Variants in ATP13A3 observed in about 807,000 individuals in gnomAD.
ATP13A3 encodes ATPase 13A3, also known as polyamine-transporting ATPase 13A3.
ATP13A3 carries 59 observed loss-of-function variants against 158.1 expected under a neutral mutation model. The ratio of observed to expected loss-of-function variants is 0.37; its 90% CI spans 0.30 to 0.46. The LOEUF is 0.46. Among genes scored for constraint, ATP13A3 ranks in the 20% least tolerant of loss-of-function variants. ATP13A3 has a pLI of 1.00. For missense variants in ATP13A3, 1,166 were observed against 1,525.2 expected, an observed-to-expected ratio of 0.76 and a Z score of 3.92; for synonymous variants, 491 against 504.3, an observed-to-expected ratio of 0.97 and a Z score of 0.35.
At chr3:194,430,575 C>A (rs1410912378) in intron 24 of ATP13A3, among the ~76,000 whole-genome samples, 1 of 152,190 alleles carries the variant, frequency 6.6e-6, no homozygotes, top group Non-Finnish European at 1.5e-5. Context: ...ATTTCCTCAT[C>A]TTTAGAGCAA....
rs778890744 is a variant in ATP13A3, at chr3:194,419,929, T to TA, written c.3351dup (p.Ile1118TyrfsTer13). 3.3e-6 allele frequency: 5 copies of TA among 1,535,778 alleles called. No homozygotes were observed. The highest frequency in any genetic ancestry group is 4.3e-6 in the Non-Finnish European group (5 of 1,150,942). On this transcript the variant is annotated frameshift_variant, in exon 31 of 34. Transcript: ENST00000645319. LOFTEE classifies it high-confidence loss of function. ...ACTGGATACAACATGATGAATAATATAAAAATATATAAAAAAATCACAGAA... is the reference window on the plus strand; with the variant it reads ...ACTGGATACAACATGATGAATAATATAAAAAATATATAAAAAAATCACAGAA...
intron 31 of ATP13A3, among the ~76,000 whole-genome samples, chr3:194,417,664 C>T (rs975616672): frequency 1.3e-5 from 2 of 152,022 alleles, no homozygotes; most frequent in Non-Finnish European, 2.9e-5. Context: ...TGTGGCCAGG[C>T]GCCATGGCTC....
chr3:194,416,518 A>T (rs904112443), intron 31 of ATP13A3, among the ~76,000 whole-genome samples: 12 of 152,234 alleles, frequency 7.9e-5, no homozygotes, highest in African/African-American at 2.7e-4. Context: ...TGTACAACTA[A>T]GGAAGCTTCC....
chr3:194,470,056 A>G (rs999989369), intron 2 of ATP13A3, among the ~76,000 whole-genome samples: 6 of 152,350 alleles, frequency 3.9e-5, no homozygotes, highest in East Asian at 1.9e-4. Flanking sequence ...GCTCCTAAAA[A>G]TAAGAATGAC....
At chr3:194,492,666 G>A (rs1428883253) in intron 2 of ATP13A3, among the ~76,000 whole-genome samples, 1 of 152,054 alleles carries the variant, frequency 6.6e-6, no homozygotes, top group Non-Finnish European at 1.5e-5. Context: ...ATGTTGGCCA[G>A]GCTGGTCTTG....
Position 194,438,990 on chromosome 3 carries a change from A to AC in ATP13A3, c.1711-19dup, listed in dbSNP as rs1354593582. ...TCCAGAATCTGGAAAAAAAAAAGAG[A>AC]CAAAAAAAAACAAAAACACAACATT... On this transcript the variant is annotated intron_variant, in intron 16 of 33. Coordinates refer to ENST00000645319, the MANE Select transcript of ATP13A3 (RefSeq NM_001367549.1). 6.8e-7 allele frequency: 1 copy of AC among 1,474,860 alleles called. No homozygotes were observed. The highest frequency in any genetic ancestry group is 2.3e-5 in the East Asian group (1 of 43,174). 91.4% of individuals were successfully genotyped at this position (1,474,860 alleles called of 1,614,324 possible).
chr3:194,444,689 T>C lies in ATP13A3; in HGVS notation c.1559+36A>G, dbSNP rs998408233. The C allele has an allele frequency of 2.6e-6, 4 of 1,512,882 alleles. No homozygotes were observed. In the African/African-American group the frequency reaches 5.6e-5, roughly 21 times the overall value. 93.7% of individuals were successfully genotyped at this position (1,512,882 alleles called of 1,614,324 possible). A position where few individuals can be genotyped will look rare whatever the true frequency, so the allele number is the denominator to read the frequency against. On this transcript the variant is annotated intron_variant, in intron 15 of 33. Transcript: ENST00000645319. ...GTTGCACATGTTAAAATATTAAAAA[T>C]AAACTAATAAACTATCAAGTCTAAC... is the stretch of plus-strand genomic sequence containing the variant.
In ATP13A3 at chr3:194,450,256, T is replaced by C. The variant is rs775942431; in HGVS notation, c.859A>G (p.Thr287Ala). The change falls in exon 11 of 34, where the codon ACC becomes GCC. Residue 287 changes from threonine (T) to alanine (A), a missense_variant. Coordinates refer to ENST00000645319, the MANE Select transcript of ATP13A3 (RefSeq NM_001367549.1). ...ATGACATCTCCTGGCACAAGGTCGG[T>C]AGAAAAGATTTCTTCTATTTCTGAA... ...VNEEIEEIFS[T>A]DLVPGDVMVI... The C allele has an allele frequency of 1.9e-6, 3 of 1,612,306 alleles. No homozygotes were observed. Among genetic ancestry groups the C allele is most frequent in the South Asian group, 1.1e-5 (1 of 90,990 alleles).
chr3:194,434,061 T>C (rs942004304), intron 20 of ATP13A3, among the ~76,000 whole-genome samples, 165 bp from the exon 21 acceptor site: 8 of 152,260 alleles, frequency 5.3e-5, no homozygotes, highest in African/African-American at 1.4e-4. Flanking sequence ...ACCACGTGTG[T>C]GTTCAAGAGT....
At chr3:194,434,384 G>A (rs2108832544) in intron 20 of ATP13A3, among the ~76,000 whole-genome samples, 1 of 152,260 alleles carries the variant, frequency 6.6e-6, no homozygotes, top group South Asian at 2.1e-4. Flanking sequence ...ACCCAGAGAT[G>A]GGTCTTTGAA....
Position 194,425,384 on chromosome 3 carries a change from A to T in ATP13A3, c.3271T>A (p.Phe1091Ile). The T allele has an allele frequency of 6.2e-7, 1 of 1,611,788 alleles. No homozygotes were observed. The highest frequency in any genetic ancestry group is 8.5e-7 in the Non-Finnish European group (1 of 1,179,404). Residue 1091 changes from phenylalanine (F) to isoleucine (I), a missense_variant, in exon 30 of 34, where the codon TTT becomes ATT. Around this residue, in one of 3 missense-constraint regions of ATP13A3, gnomAD observed 997 missense variants for 1,341.2 expected, o/e 0.74. Transcript: ENST00000645319. ...TGCCTGAAGGGTTTTCCTTTTGAAA[A>T]GGCAATTGCCACTATGAGGTACTGA... ...SFQYLIVAIA[F>I]SKGKPFRQPC...
At position 194,425,521 on chromosome 3, in the gene ATP13A3, T is replaced by C. The variant is rs1278836883; in HGVS notation, c.3134A>G (p.Asn1045Ser). The change falls in exon 30 of 34, where the codon AAT becomes AGT. Residue 1045 changes from asparagine to serine, a missense_variant. Coordinates refer to ENST00000645319, the MANE Select transcript of ATP13A3 (RefSeq NM_001367549.1). ...EVWHPKSDAC[N>S]TTGSGFWNSS... ...ATTCCAAAACCCGCTTCCTGTTGTA[T>C]TACAAGCACTAGAACACATGCAAAA... 1 of 1,611,154 alleles carries C rather than the reference T, an allele frequency of 6.2e-7. No individual in the cohort carries two copies. The highest frequency in any genetic ancestry group is 1.7e-5 in the Admixed American group (1 of 59,388).
At chr3:194,489,620 C>T (rs560797728), upstream of ATP13A3, among the ~76,000 whole-genome samples, 3 of 152,238 alleles carry the variant, frequency 2.0e-5, no homozygotes, top group Non-Finnish European at 2.9e-5. The surrounding 1 kb of genome is among the most constrained non-coding windows in gnomAD (Gnocchi z 4.1). Context: ...CCTGTCAACG[C>T]GTTCGGGCTT....
chr3:194,448,359 T>C lies in ATP13A3; in HGVS notation c.1150+98A>G. 1 of 1,418,902 alleles carries C rather than the reference T, an allele frequency of 7.0e-7. No individual in the cohort carries two copies. The highest frequency in any genetic ancestry group is 9.8e-7 in the Non-Finnish European group (1 of 1,020,790). 87.9% of individuals were successfully genotyped at this position (1,418,902 alleles called of 1,614,324 possible). ...TCCCAAAGTGCTGGGATTACAGGCG[T>C]TAGCCACAGCACCCAGCCCAGAATC... On this transcript the variant is annotated intron_variant, in intron 12 of 33. Coordinates refer to ENST00000645319, the MANE Select transcript of ATP13A3 (RefSeq NM_001367549.1). The surrounding 1 kb of genome is among the most constrained non-coding windows in gnomAD (Gnocchi z 4.0).
intron 2 of ATP13A3, among the ~76,000 whole-genome samples, chr3:194,475,213 T>C (rs1430080518): frequency 6.6e-6 from 1 of 152,364 alleles, no homozygotes; most frequent in Admixed American, 6.5e-5. Flanking sequence ...TTCTTACTGA[T>C]AGCAAACCTA....
rs146353183 is a variant in ATP13A3, at chr3:194,453,617, T to C, written c.838+89A>G. 4.4e-5 allele frequency: 42 copies of C among 955,266 alleles called. No individual in the cohort carries two copies. In the East Asian group the frequency reaches 1.0e-3, roughly 23 times the overall value. The allele number at this position is 955,266 out of a possible 1,614,324, so 59.2% of individuals were successfully genotyped here. A position where few individuals can be genotyped will look rare whatever the true frequency, so the allele number is the denominator to read the frequency against. On this transcript the variant is annotated intron_variant, in intron 10 of 33. Transcript: ENST00000645319. ...CTCAATCAATCAATCAATCAAAGAA[T>C]GTATATGTATTATACTTTGGGCTTA...
chr3:194,410,240 G>T (rs1261285870), intron 33 of ATP13A3, among the ~76,000 whole-genome samples: 1 of 124,780 alleles, frequency 8.0e-6, no homozygotes, highest in Non-Finnish European at 1.6e-5. Context: ...CAGGCAGATG[G>T]CTTGAACCCA....
At chr3:194,465,628 C>T (rs1026973481) in intron 2 of ATP13A3, among the ~76,000 whole-genome samples, 16 of 152,208 alleles carry the variant, frequency 1.1e-4, no homozygotes, top group Middle Eastern at 6.8e-3. Flanking sequence ...TCTGGTACTG[C>T]CTAACAAAGC....
chr3:194,404,365 C>A lies in ATP13A3; in HGVS notation c.*1554G>T, dbSNP rs1292423468. 6 of 226,596 alleles carry A rather than the reference C, an allele frequency of 2.6e-5. No homozygotes were observed. In the South Asian group the frequency reaches 3.0e-4, roughly 11 times the overall value. 14.0% of individuals were successfully genotyped at this position (226,596 alleles called of 1,614,324 possible). A position where few individuals can be genotyped will look rare whatever the true frequency, so the allele number is the denominator to read the frequency against. On this transcript the variant is annotated 3_prime_UTR_variant, in exon 34 of 34. Coordinates refer to ENST00000645319, the MANE Select transcript of ATP13A3 (RefSeq NM_001367549.1). ...TATAGTTACCAAACATCATCCAGGT[C>A]TTTGCAGCATAAAGAGTGAGAACCA...
Sources: allele counts gnomAD v4.1 joint callset (sites outside exome capture counted in the v4.1 genomes callset), GRCh38; gene constraint gnomAD v4.1.1; regional missense constraint gnomAD v4.1.1; non-coding constraint Gnocchi (gnomAD v3.1); transcripts MANE v1.5; gene names NCBI Gene and HGNC (gene_info 2026-07-23, HGNC 2026-07-21).